Variants in SH3RF1 observed in about 807,000 individuals in gnomAD.
The protein encoded by SH3RF1 is SH3 domain containing ring finger 1, also known as E3 ubiquitin-protein ligase SH3RF1.
Under a neutral mutation model 74.0 loss-of-function variants are expected in SH3RF1, and 32 were observed. The ratio of observed to expected loss-of-function variants is 0.43; its 90% CI spans 0.33 to 0.58. The LOEUF (loss-of-function observed/expected upper bound fraction) is 0.58. Ranked by LOEUF, SH3RF1 falls within the 20% of genes least tolerant of loss-of-function variation. SH3RF1 has a pLI of 0.05. For missense variants in SH3RF1, 954 were observed against 1,130.9 expected (o/e 0.84, Z 2.24); for synonymous variants, 396 against 439.6 (o/e 0.90, Z 1.24).
At chr4:169,179,565 T>C (rs1159600306) in intron 2 of SH3RF1, among the ~76,000 whole-genome samples, 3 of 152,170 alleles carry the variant, frequency 2.0e-5, no homozygotes, top group Non-Finnish European at 4.4e-5. Flanking sequence ...GCAACAGACA[T>C]AGCCTTGTAT....
At chr4:169,106,822 T>C in intron 11 of SH3RF1, 25 bp downstream of exon 11, 1 of 1,516,358 alleles carries the variant, frequency 6.6e-7, no homozygotes, top group South Asian at 1.3e-5. Context: ...TTTTTAGTTT[T>C]TTCCTGGAAC....
At chr4:169,269,360 GA>G in intron 1 of SH3RF1, 53 bp from the exon 2 acceptor site, 3 of 692,966 alleles carry the variant, frequency 4.3e-6, no homozygotes, top group Non-Finnish European at 6.1e-6. Context: ...GTTATCTAGG[GA>G]AAAAGTTCAA....
Position 169,136,560 on chromosome 4 carries a change from C to T in SH3RF1, c.826G>A (p.Ala276Thr). Reference protein sequence around the residue: ...WDKPPVPGVDAGECSSAAAQS... With the variant: ...WDKPPVPGVDTGECSSAAAQS... ...GCTGCTGCCGAGGAACATTCTCCAG[C>T]ATCAACTCCTGGCACAGGAGGCTTA... The change falls in exon 5 of 12, where the codon GCT (alanine) becomes ACT (threonine). Residue 276 changes from alanine (A) to threonine (T), a missense_variant. Around this residue, in one of 3 missense-constraint regions of SH3RF1, gnomAD observed 854 missense variants for 962.5 expected, o/e 0.89. Transcript: ENST00000284637. 6.2e-7 allele frequency: 1 copy of T among 1,600,244 alleles called. No individual in the cohort carries two copies.
chr4:169,221,400 T>C (rs1048539508), intron 2 of SH3RF1, among the ~76,000 whole-genome samples: 1 of 152,200 alleles, frequency 6.6e-6, no homozygotes. Context: ...GAAGTACTTT[T>C]AAGACCTAGT....
At chr4:169,138,973 G>A (rs761019231) in intron 4 of SH3RF1, among the ~76,000 whole-genome samples, 1 of 152,076 alleles carries the variant, frequency 6.6e-6, no homozygotes, top group Non-Finnish European at 1.5e-5. Context: ...GGACTGGGGG[G>A]AAAGGTCTCA....
intron 2 of SH3RF1, among the ~76,000 whole-genome samples, chr4:169,214,457 T>C (rs1305404789): frequency 6.6e-6 from 1 of 152,148 alleles, no homozygotes; most frequent in African/African-American, 2.4e-5. Flanking sequence ...GACTAAAACA[T>C]CCACAAAACA....
At chr4:169,143,611 G>A (rs1418791393) in intron 4 of SH3RF1, among the ~76,000 whole-genome samples, 3 of 152,118 alleles carry the variant, frequency 2.0e-5, no homozygotes, top group Non-Finnish European at 4.4e-5. Flanking sequence ...GACGCCTCCT[G>A]GGTCCTGAAG....
intron 2 of SH3RF1, among the ~76,000 whole-genome samples, chr4:169,223,419 A>G (rs1395443913): frequency 6.6e-6 from 1 of 152,178 alleles, no homozygotes; most frequent in East Asian, 1.9e-4. Context: ...ATGGGTAGGA[A>G]TTAGAGATGC....
rs535921598 is a variant in SH3RF1 at position 169,131,346 on chromosome 4, T to TC, written c.1069-1191dup. 4.6e-3 allele frequency among the ~76,000 whole-genome samples: 695 copies of TC among 152,310 alleles called. 3 individuals are homozygous for TC. Among genetic ancestry groups the TC allele is most frequent in the Non-Finnish European group, 7.2e-3 (490 of 68,038 alleles). ...AGGGGGTGGCACTAAAAAGAGTTTC[T>TC]CCCCAAACCCAGTTTCTTCCTTTTC... On this transcript the variant is annotated intron_variant, in intron 5 of 11. Transcript: ENST00000284637.
At chr4:169,204,717 A>AT (rs1476758854) in intron 2 of SH3RF1, among the ~76,000 whole-genome samples, 1 of 151,822 alleles carries the variant, frequency 6.6e-6, no homozygotes, top group Non-Finnish European at 1.5e-5. Context: ...CGCCCGGCTA[A>AT]TTTTTTGTAT....
chr4:169,138,386 C>T (rs1447512412), intron 4 of SH3RF1, among the ~76,000 whole-genome samples: 12 of 152,204 alleles, frequency 7.9e-5, no homozygotes, highest in African/African-American at 2.7e-4. Context: ...CCAAACACAA[C>T]ATCCTCATGA....
chr4:169,097,503 G>A (rs61139378), intron 11 of SH3RF1, among the ~76,000 whole-genome samples: 28,740 of 152,138 alleles, frequency 0.19, 2,947 homozygotes, highest in African/African-American at 0.27. Context: ...AATATTATCT[G>A]TGCCCCTGCC....
At chr4:169,118,606 C>T (rs577791771) in intron 8 of SH3RF1, among the ~76,000 whole-genome samples, 27 of 152,176 alleles carry the variant, frequency 1.8e-4, no homozygotes, top group African/African-American at 5.8e-4. Context: ...CAGGCACGCG[C>T]CACCATGCCC....
chr4:169,220,715 C>T (rs2660413), intron 2 of SH3RF1, among the ~76,000 whole-genome samples: 145,776 of 152,346 alleles, frequency 0.96, 70,070 homozygotes, highest in East Asian at 1. Flanking sequence ...ATAGTTACCA[C>T]CATGCAACAC....
rs188281017 is a variant in SH3RF1, at chr4:169,223,128, T to C, written c.393+45692A>G. On this transcript the variant is annotated intron_variant, in intron 2 of 11. Coordinates refer to ENST00000284637, the MANE Select transcript of SH3RF1 (RefSeq NM_020870.4). ...CTGACCCTGGACCTTCCTGGGGCCT[T>C]TCTGCCAGGAAGATATAAAAGAACA... 1.5e-3 allele frequency among the ~76,000 whole-genome samples: 233 copies of C among 152,310 alleles called. 4 individuals are homozygous for C. The highest frequency in any genetic ancestry group is 0.012 in the Admixed American group (177 of 15,302).
intron 2 of SH3RF1, among the ~76,000 whole-genome samples, chr4:169,248,009 G>A (rs1458409000): frequency 6.6e-6 from 1 of 152,192 alleles, no homozygotes; most frequent in Non-Finnish European, 1.5e-5. Context: ...CGAGGATGTG[G>A]AGAAACAGAA....
intron 2 of SH3RF1, among the ~76,000 whole-genome samples, chr4:169,217,910 T>C (rs1409729739): frequency 6.6e-6 from 1 of 152,130 alleles, no homozygotes; most frequent in Non-Finnish European, 1.5e-5. Flanking sequence ...TTCATTGATC[T>C]AAGCCACTGG....
intron 2 of SH3RF1, chr4:169,219,961 G>A (rs1337436668): frequency 6.6e-6 from 1 of 151,710 alleles, no homozygotes; most frequent in Admixed American, 6.6e-5. Flanking sequence ...ACTTCCAGGC[G>A]ATCAGTACAA....
intron 2 of SH3RF1, among the ~76,000 whole-genome samples, chr4:169,187,199 T>G (rs1257961990): frequency 6.6e-6 from 1 of 152,130 alleles, no homozygotes; most frequent in African/African-American, 2.4e-5. Flanking sequence ...TATATATGTA[T>G]GTATGTGCTG....
Sources: allele counts gnomAD v4.1 joint callset (sites outside exome capture counted in the v4.1 genomes callset), GRCh38; gene constraint gnomAD v4.1.1; regional missense constraint gnomAD v4.1.1; transcripts MANE v1.5; gene names NCBI Gene and HGNC (gene_info 2026-07-23, HGNC 2026-07-21).